Variants in CHST10 observed in about 807,000 individuals in gnomAD.
The protein encoded by CHST10 is HNK-1 sulfotransferase.
In CHST10, 24 loss-of-function variants were observed where a neutral mutation model predicts 34.7. The observed-to-expected ratio is 0.69, with a 90% CI of 0.50 to 0.97. The LOEUF is 0.97. Ranked by LOEUF, CHST10 falls within the 50% of genes least tolerant of loss-of-function variation. CHST10 has a pLI of 0.00. For synonymous variants in CHST10, 161 were observed against 169.3 expected (o/e 0.95, Z 0.38); for missense variants, 402 against 452.1 (o/e 0.89, Z 1.00).
At position 100,401,754 on chromosome 2, in the gene CHST10, T is replaced by A. The variant is rs115091617; in HGVS notation, c.192+810A>T. Among the ~76,000 whole-genome samples the A allele has an allele frequency of 3.7e-3, 560 of 152,290 alleles. 2 individuals are homozygous for A. Among genetic ancestry groups the A allele is most frequent in the South Asian group, 6.6e-3 (32 of 4,830 alleles). ...TACGAGAAGTAACCTCCAGCAGCAC[T>A]CTACTGACTGGTGTATGTTTTCTAT... On this transcript the variant is annotated intron_variant, in intron 4 of 6. Coordinates refer to ENST00000264249, the MANE Select transcript of CHST10 (RefSeq NM_004854.5).
intron 2 of CHST10, among the ~76,000 whole-genome samples, chr2:100,414,683 C>A (rs573481675): frequency 6.6e-6 from 1 of 152,274 alleles, no homozygotes; most frequent in East Asian, 1.9e-4. Context: ...GTCATCCTTA[C>A]AATTTACCGC....
At position 100,406,670 on chromosome 2, in the gene CHST10, G is replaced by A; in HGVS notation, c.6C>T (p.His2=). Residue 2 remains histidine (H), a synonymous_variant, in exon 3 of 7, where the codon CAC becomes CAT. Transcript: ENST00000264249. ...ATGCGGCCAGCAGAAGCCACTGGTGGTGCATGTTGTCACACCGCAGCCATT... is the reference window on the plus strand; with the variant it reads ...ATGCGGCCAGCAGAAGCCACTGGTGATGCATGTTGTCACACCGCAGCCATT... M[H]HQWLLLAACF... The A allele has an allele frequency of 1.2e-6, 2 of 1,614,088 alleles. No homozygotes were observed. The highest frequency in any genetic ancestry group is 1.7e-6 in the Non-Finnish European group (2 of 1,180,024).
chr2:100,406,461 C>T, intron 3 of CHST10, 115 bp downstream of exon 3: 1 of 1,368,710 alleles, frequency 7.3e-7, no homozygotes, highest in Non-Finnish European at 1.0e-6. Context: ...AAGGTCCCTG[C>T]TGGCATGAAA....
intron 6 of CHST10, among the ~76,000 whole-genome samples, chr2:100,394,251 CAG>C (rs10562599): frequency 0.12 from 18,097 of 152,040 alleles, 2,974 homozygotes; most frequent in African/African-American, 0.36. Context: ...CAAGAGAAAA[CAG>C]AGAGTCAGGC....
intron 4 of CHST10, among the ~76,000 whole-genome samples, chr2:100,399,078 C>T (rs1675210366): frequency 6.6e-6 from 1 of 150,872 alleles, no homozygotes; most frequent in South Asian, 2.1e-4. Flanking sequence ...TTTAAGGCTT[C>T]AGCTGCTACA....
chr2:100,400,199 A>T (rs1048034863), intron 4 of CHST10, among the ~76,000 whole-genome samples: 1 of 152,256 alleles, frequency 6.6e-6, no homozygotes, highest in African/African-American at 2.4e-5. Flanking sequence ...AACAAAGAAA[A>T]GATATTAGAT....
intron 4 of CHST10, among the ~76,000 whole-genome samples, chr2:100,399,591 A>G (rs536510125): frequency 6.6e-6 from 1 of 152,314 alleles, no homozygotes; most frequent in African/African-American, 2.4e-5. Context: ...TCAGTTAGAA[A>G]ATGGGAAGGA....
rs1674881752 is a variant in CHST10, at chr2:100,393,317, T to C, written c.999A>G (p.Arg333=). Residue 333 remains arginine (R), a synonymous_variant, in exon 7 of 7, where the codon CGA becomes CGG. Transcript: ENST00000264249. ...CCCCTTCGAAACGGGCATACAGGCG[T>C]CGGATGTCTCGTTTGCTGATGCCCA... ...YFLGISKRDI[R]RLYARFEGDF... The C allele has an allele frequency of 6.2e-7, 1 of 1,614,194 alleles. No homozygotes were observed. The highest frequency in any genetic ancestry group is 8.5e-7 in the Non-Finnish European group (1 of 1,180,034).
intron 4 of CHST10, among the ~76,000 whole-genome samples, chr2:100,400,819 C>T (rs909951989): frequency 2.6e-5 from 4 of 152,190 alleles, no homozygotes; most frequent in East Asian, 3.9e-4. Context: ...GCTGGGATTA[C>T]AGGCACATGC....
chr2:100,408,379 G>T (rs1189300012), intron 2 of CHST10: 2 of 152,042 alleles, frequency 1.3e-5, no homozygotes, highest in Non-Finnish European at 2.9e-5. Context: ...CCCCAGACTT[G>T]GTTCAAATCC....
intron 3 of CHST10, among the ~76,000 whole-genome samples, chr2:100,403,378 T>C (rs1373097201): frequency 1.3e-5 from 2 of 152,184 alleles, no homozygotes; most frequent in East Asian, 1.9e-4. Context: ...TATTTTCTTA[T>C]GAGAAAGTCT....
intron 4 of CHST10, among the ~76,000 whole-genome samples, chr2:100,401,286 A>G (rs549412815): frequency 1.3e-5 from 2 of 152,326 alleles, no homozygotes; most frequent in African/African-American, 4.8e-5. Context: ...CAAACAGAAT[A>G]AAAATATACC....
intron 3 of CHST10, 68 bp from the exon 4 acceptor site, chr2:100,402,723 G>C: frequency 1.5e-6 from 2 of 1,347,396 alleles, no homozygotes; most frequent in Non-Finnish European, 2.1e-6. Context: ...GGACAGAACA[G>C]AGGCCCCAGA....
chr2:100,409,204 G>A (rs1350464140), intron 2 of CHST10, among the ~76,000 whole-genome samples: 1 of 152,152 alleles, frequency 6.6e-6, no homozygotes, highest in Non-Finnish European at 1.5e-5. Flanking sequence ...CAGCACTTTG[G>A]AGGTTTTTAT....
chr2:100,407,897 T>C (rs1294233900), intron 2 of CHST10: 2 of 152,046 alleles, frequency 1.3e-5, no homozygotes, highest in Non-Finnish European at 2.9e-5. Flanking sequence ...GGTTGCCTGA[T>C]TAGACAAATA....
At chr2:100,417,028 A>C in intron 1 of CHST10, 1 of 1,304,328 alleles carries the variant, frequency 7.7e-7, no homozygotes, top group Non-Finnish European at 1.0e-6. Context: ...CTTCCTCTGC[A>C]TGCTCCTTGG....
chr2:100,404,914 G>A (rs1675504172), intron 3 of CHST10, among the ~76,000 whole-genome samples: 1 of 152,148 alleles, frequency 6.6e-6, no homozygotes, highest in African/African-American at 2.4e-5. Context: ...CTTATTCTCA[G>A]CAGCTCTGTT....
chr2:100,394,400 G>T (rs1674952734), intron 6 of CHST10, among the ~76,000 whole-genome samples: 7 of 152,130 alleles, frequency 4.6e-5, no homozygotes, highest in Admixed American at 4.6e-4. Context: ...AACACGGTGT[G>T]ATTACGACAG....
At chr2:100,405,628 A>G (rs1409736732) in intron 3 of CHST10, among the ~76,000 whole-genome samples, 1 of 152,196 alleles carries the variant, frequency 6.6e-6, no homozygotes, top group African/African-American at 2.4e-5. Flanking sequence ...GCACAGAGGC[A>G]TCTCTAACTG....
Sources: gnomAD v4.1 joint callset for allele counts (sites outside exome capture counted in the v4.1 genomes callset) on GRCh38, gnomAD v4.1.1 for gene constraint, MANE v1.5 for transcripts, NCBI Gene and HGNC (gene_info 2026-07-23, HGNC 2026-07-21) for gene names.